Variants in RABGAP1L observed in about 807,000 individuals in gnomAD.
The protein encoded by RABGAP1L is rab GTPase-activating protein 1-like.
A neutral mutation model predicts 137.7 loss-of-function variants in RABGAP1L; 63 were observed. That is an observed-to-expected ratio of 0.46 (90% CI 0.37 to 0.56). The LOEUF (loss-of-function observed/expected upper bound fraction) is 0.56. RABGAP1L is among the 20% of genes least tolerant of loss of function. The pLI, the probability that RABGAP1L is intolerant of heterozygous loss-of-function variation, is 0.00. For missense variants in RABGAP1L, 1,095 were observed against 1,244.0 expected (o/e 0.88, Z 1.80); for synonymous variants, 431 against 433.7 (o/e 0.99, Z 0.08).
chr1:174,497,024 C>T (rs949637748), intron 13 of RABGAP1L, among the ~76,000 whole-genome samples: 14 of 152,234 alleles, frequency 9.2e-5, no homozygotes, highest in Non-Finnish European at 2.1e-4. Flanking sequence ...CCAGCATACA[C>T]ACACATGTGC....
intron 18 of RABGAP1L, among the ~76,000 whole-genome samples, chr1:174,760,227 G>A (rs74411331): frequency 0.012 from 1,796 of 151,548 alleles, 49 homozygotes; most frequent in African/African-American, 0.042. Flanking sequence ...GTGTAGGTCT[G>A]TTATATAGAT....
intron 13 of RABGAP1L, among the ~76,000 whole-genome samples, chr1:174,463,707 T>C (rs1007788847): frequency 6.6e-6 from 1 of 151,474 alleles, no homozygotes; most frequent in African/African-American, 2.4e-5. Context: ...AACAAAGATA[T>C]GAAAAAAATA....
At chr1:174,706,137 T>A (rs952728887) in intron 17 of RABGAP1L, among the ~76,000 whole-genome samples, 4 of 152,324 alleles carry the variant, frequency 2.6e-5, no homozygotes, top group African/African-American at 9.6e-5. Flanking sequence ...CTAAGCTATA[T>A]TATTTTAAAG....
intron 15 of RABGAP1L, among the ~76,000 whole-genome samples, chr1:174,696,538 A>G (rs1679273054): frequency 6.6e-6 from 1 of 152,090 alleles, no homozygotes; most frequent in South Asian, 2.1e-4. Flanking sequence ...TTTGTTCAGG[A>G]CACCAGGGCA....
intron 5 of RABGAP1L, chr1:174,246,494 C>A (rs1301217744): frequency 1.3e-5 from 2 of 152,120 alleles, no homozygotes; most frequent in Non-Finnish European, 2.9e-5. Context: ...AGTCAACTAA[C>A]CATGGCTTTA....
At chr1:174,849,600 A>C in intron 19 of RABGAP1L, 3 of 362,156 alleles carry the variant, frequency 8.3e-6, no homozygotes, top group South Asian at 6.5e-5. Context: ...TAATTAACAC[A>C]ATTTAATATG....
chr1:174,462,748 GT>G (rs1571917418), intron 13 of RABGAP1L, among the ~76,000 whole-genome samples: 1 of 152,000 alleles, frequency 6.6e-6, no homozygotes, highest in African/African-American at 2.4e-5. Context: ...ATGTACCAAT[GT>G]TTAGCTCTCT....
intron 11 of RABGAP1L, among the ~76,000 whole-genome samples, chr1:174,331,831 C>G (rs1247215122): frequency 7.4e-6 from 1 of 135,600 alleles, no homozygotes; most frequent in Non-Finnish European, 1.6e-5. Context: ...TCCCCCTCCC[C>G]CCACCCCACA....
intron 13 of RABGAP1L, among the ~76,000 whole-genome samples, chr1:174,444,913 T>C (rs1338588066): frequency 6.6e-6 from 1 of 152,086 alleles, no homozygotes; most frequent in African/African-American, 2.4e-5. Context: ...TTTTATGTTT[T>C]TTAGGACTTT....
In RABGAP1L at chr1:174,808,009, C is replaced by T. The variant is rs577298182; in HGVS notation, c.2212-3823C>T. On this transcript the variant is annotated intron_variant, in intron 18 of 25. Coordinates refer to ENST00000681986, the MANE Select transcript of RABGAP1L (RefSeq NM_001366446.1). ...TTTTTTTTTTTTTGAGATGGAGTCT[C>T]ACTGTATTGCCCAGGCTGGAGTGCA... is the stretch of plus-strand genomic sequence containing the variant. Among the ~76,000 whole-genome samples the T allele has an allele frequency of 1.6e-4, 24 of 145,832 alleles. No individual in the cohort carries two copies. In the East Asian group the frequency reaches 3.4e-3, roughly 21 times the overall value.
rs187001560 is a variant in RABGAP1L, at chr1:174,431,607, C to G, written c.1710+37462C>G. 6.2e-4 allele frequency among the ~76,000 whole-genome samples: 95 copies of G among 152,196 alleles called. 1 individual carries two copies. In the East Asian group the frequency reaches 8.3e-3, roughly 13 times the overall value. On this transcript the variant is annotated intron_variant, in intron 13 of 25. Coordinates refer to ENST00000681986, the MANE Select transcript of RABGAP1L (RefSeq NM_001366446.1). ...AGCTTAGTTTCTGATACAGAAGCCT[C>G]TAGAAAATAAGGACAGCAAATTAGA...
At chr1:174,447,890 G>GCCCCCCCCCAC (rs1654952280) in intron 13 of RABGAP1L, among the ~76,000 whole-genome samples, 1 of 69,566 alleles carries the variant, frequency 1.4e-5, no homozygotes, top group African/African-American at 5.4e-5. Context: ...ACCCCTTACC[G>GCCCCCCCCCAC]CCCCCCCCCC....
intron 15 of RABGAP1L, among the ~76,000 whole-genome samples, chr1:174,694,256 A>T (rs1382765963): frequency 6.6e-6 from 1 of 151,704 alleles, no homozygotes; most frequent in Non-Finnish European, 1.5e-5. Context: ...TGTGCAGGTT[A>T]GTTACATATG....
intron 11 of RABGAP1L, among the ~76,000 whole-genome samples, chr1:174,357,243 C>A (rs1363548367): frequency 2.0e-5 from 3 of 152,150 alleles, no homozygotes; most frequent in African/African-American, 7.2e-5. Context: ...CATCTTCATA[C>A]TTTCCCAAAG....
At chr1:174,699,448 A>G in intron 15 of RABGAP1L, 77 bp from the exon 16 acceptor site, 1 of 1,413,110 alleles carries the variant, frequency 7.1e-7, no homozygotes, top group Non-Finnish European at 9.6e-7. Context: ...CAGAGGACTA[A>G]TAACATGAAG....
At chr1:174,542,229 T>G (rs569368531) in intron 13 of RABGAP1L, among the ~76,000 whole-genome samples, 5 of 152,278 alleles carry the variant, frequency 3.3e-5, no homozygotes, top group Admixed American at 2.0e-4. Flanking sequence ...GTCCTGGACT[T>G]TTTTTGGTTG....
At chr1:174,838,850 G>A (rs373428094) in intron 19 of RABGAP1L, among the ~76,000 whole-genome samples, 153 of 143,610 alleles carry the variant, frequency 1.1e-3, no homozygotes, top group African/African-American at 3.4e-3. Context: ...CCCGGGAGGC[G>A]GAGCTTGTAG....
chr1:174,351,099 A>AGGGGGC (rs1362361153), intron 11 of RABGAP1L, among the ~76,000 whole-genome samples: 1 of 57,840 alleles, frequency 1.7e-5, no homozygotes. Flanking sequence ...GGGGAGGGGG[A>AGGGGGC]GGGGTTGTTT....
intron 13 of RABGAP1L, among the ~76,000 whole-genome samples, chr1:174,568,186 C>A (rs1667708761): frequency 6.6e-6 from 1 of 151,900 alleles, no homozygotes; most frequent in Non-Finnish European, 1.5e-5. Flanking sequence ...TGGAGAGGCA[C>A]CACACTCTTT....
Sources: allele counts gnomAD v4.1 joint callset (sites outside exome capture counted in the v4.1 genomes callset), GRCh38; gene constraint gnomAD v4.1.1; transcripts MANE v1.5; gene names NCBI Gene and HGNC (gene_info 2026-07-23, HGNC 2026-07-21).